The following SDK1 variants were observed in gnomAD, a reference collection of about 807,000 sequenced individuals.
The protein encoded by SDK1 is sidekick cell adhesion molecule 1, also known as protein sidekick-1.
Under a neutral mutation model 245.5 loss-of-function variants are expected in SDK1, and 157 were observed. The ratio of observed to expected loss-of-function variants is 0.64; its 90% CI spans 0.56 to 0.73. The LOEUF (loss-of-function observed/expected upper bound fraction) is 0.73, where lower values mean the gene tolerates loss of function less well. SDK1 is among the 30% of genes least tolerant of loss of function. SDK1 has a pLI of 0.00. For missense variants in SDK1, 3,583 were observed against 3,002.3 expected (o/e 1.19, Z -4.52); for synonymous variants, 1,647 against 1,278.5 (o/e 1.29, Z -6.15).
chr7:3,488,653 C>G (rs1046378947), intron 1 of SDK1, among the ~76,000 whole-genome samples: 1 of 152,198 alleles, frequency 6.6e-6, no homozygotes, highest in Non-Finnish European at 1.5e-5. Context: ...GAAAAACCAA[C>G]TGAAAATGGC....
At chr7:3,982,191 A>G (rs1486694999) in intron 13 of SDK1, among the ~76,000 whole-genome samples, 1 of 152,248 alleles carries the variant, frequency 6.6e-6, no homozygotes, top group East Asian at 1.9e-4. Context: ...CAAAGCCTGG[A>G]TGACAGCTCT....
At chr7:3,747,437 AT>A (rs1184939768) in intron 4 of SDK1, among the ~76,000 whole-genome samples, 1 of 152,208 alleles carries the variant, frequency 6.6e-6, no homozygotes, top group Non-Finnish European at 1.5e-5. Context: ...ATTTTAAAGA[AT>A]TCTGAGAATT....
chr7:4,168,410 C>G (rs1445788376), intron 32 of SDK1, among the ~76,000 whole-genome samples: 1 of 152,232 alleles, frequency 6.6e-6, no homozygotes, highest in Non-Finnish European at 1.5e-5. Flanking sequence ...TCTCATTCGC[C>G]TAGGCTAGAA....
intron 19 of SDK1, among the ~76,000 whole-genome samples, chr7:4,058,322 T>A (rs1466781684): frequency 6.6e-6 from 1 of 151,998 alleles, no homozygotes; most frequent in Non-Finnish European, 1.5e-5. Context: ...ATTTCAGAAT[T>A]TAAAGTTGAA....
At chr7:3,945,111 C>G (rs549822245) in intron 5 of SDK1, among the ~76,000 whole-genome samples, 1 of 152,230 alleles carries the variant, frequency 6.6e-6, no homozygotes, top group South Asian at 2.1e-4. Context: ...GAGACTCTGT[C>G]TCAAAAACAA....
intron 19 of SDK1, among the ~76,000 whole-genome samples, chr7:4,056,087 A>T (rs1002999298): frequency 6.6e-6 from 1 of 152,048 alleles, no homozygotes; most frequent in Non-Finnish European, 1.5e-5. Flanking sequence ...ATGATTTTTT[A>T]AAAATGTCTA....
At chr7:3,460,735 A>T (rs1352941462) in intron 1 of SDK1, among the ~76,000 whole-genome samples, 2 of 152,160 alleles carry the variant, frequency 1.3e-5, no homozygotes, top group Non-Finnish European at 2.9e-5. Flanking sequence ...ATCAGTTAAA[A>T]ACTTATTTTG....
At chr7:3,679,295 G>T (rs1349758189) in intron 4 of SDK1, among the ~76,000 whole-genome samples, 1 of 151,878 alleles carries the variant, frequency 6.6e-6, no homozygotes, top group African/African-American at 2.4e-5. Context: ...GGCCAGGTGC[G>T]GTGGCTCATG....
chr7:3,365,247 T>C (rs1583749655), intron 1 of SDK1, among the ~76,000 whole-genome samples: 1 of 152,178 alleles, frequency 6.6e-6, no homozygotes, highest in South Asian at 2.1e-4. Context: ...GACATGTGTC[T>C]CAATTGTATT....
At chr7:3,628,330 A>G (rs1782181985) in intron 2 of SDK1, among the ~76,000 whole-genome samples, 1 of 152,032 alleles carries the variant, frequency 6.6e-6, no homozygotes, top group African/African-American at 2.4e-5. Context: ...GAGTATATAT[A>G]TATGTATATA....
chr7:3,338,213 A>T (rs1441878225), intron 1 of SDK1: 1 of 274,770 alleles, frequency 3.6e-6, no homozygotes, highest in African/African-American at 2.3e-5. Context: ...TTGGCCACAT[A>T]CCTGCAAATC....
At chr7:4,154,641 G>T (rs1780606511) in intron 30 of SDK1, among the ~76,000 whole-genome samples, 1 of 152,162 alleles carries the variant, frequency 6.6e-6, no homozygotes. Flanking sequence ...ACTCCATGAG[G>T]ATGCGTGATG....
rs779551787 is a variant in SDK1 at position 4,237,670 on chromosome 7, G to A, written c.6016G>A (p.Glu2006Lys). Residue 2006 changes from glutamate (E) to lysine (K), a missense_variant, in exon 42 of 45, where the codon GAG (glutamate) becomes AAG (lysine). Glu to Lys is a moderately conservative substitution (Grantham distance 56). Coordinates refer to ENST00000404826, the MANE Select transcript of SDK1 (RefSeq NM_152744.4). ...VSAQVEAPFY[E>K]EWWFLLVMAL... ...AGCTCAAGTGGAAGCCCCATTCTAC[G>A]AGGAGTGGTGGTTCCTCCTGGTGAT... 1.7e-5 allele frequency: 27 copies of A among 1,614,130 alleles called. No individual in the cohort carries two copies. The Admixed American group carries it at 1.8e-4, about 11-fold the overall frequency.
intron 1 of SDK1, among the ~76,000 whole-genome samples, chr7:3,519,739 A>G (rs1234621071): frequency 6.6e-6 from 1 of 152,212 alleles, no homozygotes; most frequent in East Asian, 1.9e-4. Flanking sequence ...TTTCCACAAT[A>G]GAGGTTATCA....
chr7:4,060,655 A>C (rs1308784811), intron 19 of SDK1, among the ~76,000 whole-genome samples: 1 of 151,826 alleles, frequency 6.6e-6, no homozygotes, highest in Non-Finnish European at 1.5e-5. Flanking sequence ...ATTAGATCCC[A>C]TTTGTCAATT....
chr7:3,441,314 C>A (rs1056407507), intron 1 of SDK1, among the ~76,000 whole-genome samples: 2 of 151,940 alleles, frequency 1.3e-5, no homozygotes, highest in Admixed American at 1.3e-4. Context: ...TTGACTGGGG[C>A]CTTTGAATGT....
intron 1 of SDK1, among the ~76,000 whole-genome samples, chr7:3,528,648 T>C (rs546592479): frequency 6.6e-6 from 1 of 152,226 alleles, no homozygotes; most frequent in South Asian, 2.1e-4. Context: ...CAGCTTGGAT[T>C]GTAGGATCAC....
At chr7:3,482,002 T>G (rs1340428627) in intron 1 of SDK1, among the ~76,000 whole-genome samples, 1 of 150,304 alleles carries the variant, frequency 6.7e-6, no homozygotes, top group Non-Finnish European at 1.5e-5. Context: ...AAAAATATAA[T>G]AAGGGATTAA....
chr7:3,753,070 A>G (rs1779819383), intron 4 of SDK1, among the ~76,000 whole-genome samples: 1 of 152,220 alleles, frequency 6.6e-6, no homozygotes, highest in Non-Finnish European at 1.5e-5. Flanking sequence ...CTTTCAATGT[A>G]CTGCCATCAC....
Sources: gnomAD v4.1 joint callset for allele counts (sites outside exome capture counted in the v4.1 genomes callset) on GRCh38, gnomAD v4.1.1 for gene constraint, MANE v1.5 for transcripts, NCBI Gene and HGNC (gene_info 2026-07-23, HGNC 2026-07-21) for gene names.